The following ZNRF3 variants were observed in gnomAD, a reference collection of about 807,000 sequenced individuals.
ZNRF3 encodes the protein E3 ubiquitin-protein ligase ZNRF3.
A neutral mutation model predicts 72.5 loss-of-function variants in ZNRF3; 23 were observed. That is an observed-to-expected ratio of 0.32 (90% CI 0.23 to 0.45). The LOEUF (loss-of-function observed/expected upper bound fraction) is 0.45. Ranked by LOEUF, ZNRF3 falls within the 20% of genes least tolerant of loss-of-function variation. The pLI, the probability that ZNRF3 is intolerant of heterozygous loss-of-function variation, is 1.00. For missense variants in ZNRF3, 1,169 were observed against 1,272.1 expected, an observed-to-expected ratio of 0.92 and a Z score of 1.23; for synonymous variants, 610 against 545.3, an observed-to-expected ratio of 1.12 and a Z score of -1.65.
intron 1 of ZNRF3, among the ~76,000 whole-genome samples, chr22:28,912,743 C>T (rs1226837031): frequency 1.3e-5 from 2 of 149,128 alleles, no homozygotes; most frequent in African/African-American, 2.5e-5. Flanking sequence ...CAGCTCACTG[C>T]AACCTCCGCC....
At chr22:28,889,775 T>G (rs1327294111) in intron 1 of ZNRF3, among the ~76,000 whole-genome samples, 2 of 152,194 alleles carry the variant, frequency 1.3e-5, no homozygotes, top group African/African-American at 2.4e-5. Flanking sequence ...TGTAAGAACT[T>G]GACACTCTGA....
chr22:28,963,694 C>T (rs1481468156), intron 1 of ZNRF3, among the ~76,000 whole-genome samples: 1 of 152,120 alleles, frequency 6.6e-6, no homozygotes, highest in Admixed American at 6.5e-5. Context: ...CACTATGTAT[C>T]AGGAATTATT....
intron 1 of ZNRF3, among the ~76,000 whole-genome samples, chr22:28,913,909 G>A (rs972165106): frequency 3.9e-5 from 6 of 152,098 alleles, no homozygotes; most frequent in African/African-American, 1.2e-4. Flanking sequence ...AGATAAGATA[G>A]AGGAGTCCCC....
intron 2 of ZNRF3, among the ~76,000 whole-genome samples, chr22:29,036,350 T>C (rs2036867996): frequency 6.6e-6 from 1 of 152,196 alleles, no homozygotes; most frequent in Non-Finnish European, 1.5e-5. Context: ...ATTAGTTTTA[T>C]GGAAAAGGTT....
intron 2 of ZNRF3, among the ~76,000 whole-genome samples, chr22:29,019,952 T>C (rs2036500847): frequency 6.6e-6 from 1 of 152,064 alleles, no homozygotes; most frequent in Non-Finnish European, 1.5e-5. Flanking sequence ...TGATTATCCT[T>C]ATCTTGATGA....
chr22:28,928,490 C>CTTTTTTTTTTTTTTTTTTTTTTTTT (rs10710766), intron 1 of ZNRF3, among the ~76,000 whole-genome samples: 3 of 80,602 alleles, frequency 3.7e-5, no homozygotes, highest in Non-Finnish European at 5.1e-5. Flanking sequence ...CCAGAAATGT[C>CTTTTTTTTTTTTTTTTTTTTTTTTT]TTTTTTTTTT....
At chr22:28,920,271 T>C (rs1209565380) in intron 1 of ZNRF3, among the ~76,000 whole-genome samples, 1 of 147,772 alleles carries the variant, frequency 6.8e-6, no homozygotes, top group East Asian at 2.1e-4. Flanking sequence ...TGGCCTATTT[T>C]ATTTTATTTT....
At chr22:29,015,668 T>TA (rs56728614) in intron 2 of ZNRF3, among the ~76,000 whole-genome samples, 2,314 of 139,514 alleles carry the variant, frequency 0.017, 57 homozygotes, top group African/African-American at 0.052. Context: ...AGATTCTGTT[T>TA]AAAAAAAAAA....
In ZNRF3 at chr22:28,972,476, G is replaced by A. The variant is rs191933634; in HGVS notation, c.301-14600G>A. 1.1e-4 allele frequency among the ~76,000 whole-genome samples: 17 copies of A among 152,328 alleles called. No homozygotes were observed. In the South Asian group the frequency reaches 3.5e-3, roughly 32 times the overall value. On this transcript the variant is annotated intron_variant, in intron 1 of 8. Coordinates refer to ENST00000544604, the MANE Select transcript of ZNRF3 (RefSeq NM_001206998.2). ...TTTTGTGGCCAAATAATATTCCGTG[G>A]TGTGGGTTAACCACACTTGATGTTT...
intron 2 of ZNRF3, among the ~76,000 whole-genome samples, chr22:29,018,914 G>C (rs1333598584): frequency 6.6e-6 from 1 of 151,034 alleles, no homozygotes; most frequent in East Asian, 1.9e-4. Context: ...TGGGTTAGCT[G>C]AGCAGTTGTT....
chr22:28,975,170 G>A (rs2035646514), intron 1 of ZNRF3, among the ~76,000 whole-genome samples: 1 of 152,006 alleles, frequency 6.6e-6, no homozygotes, highest in South Asian at 2.1e-4. Flanking sequence ...TGTAATCCTA[G>A]CATTTTGGGA....
intron 2 of ZNRF3, among the ~76,000 whole-genome samples, chr22:29,009,222 C>T (rs2036308194): frequency 6.6e-6 from 1 of 152,060 alleles, no homozygotes; most frequent in Non-Finnish European, 1.5e-5. Flanking sequence ...TTAAGACTGG[C>T]TGGGTTTGGG....
chr22:28,921,130 C>T (rs889372998), intron 1 of ZNRF3, among the ~76,000 whole-genome samples: 1 of 152,160 alleles, frequency 6.6e-6, no homozygotes, highest in Non-Finnish European at 1.5e-5. Context: ...GTTTAAAAAA[C>T]CCCCACCAAA....
At position 29,049,383 on chromosome 22, in the gene ZNRF3, G is replaced by C; in HGVS notation, c.1202G>C (p.Arg401Pro). The stretch of plus-strand genomic sequence containing the variant: ...CCCGTCACCTTGCTGACCATGGACC[G>C]GCACGGGGAGCAGAGCCTCTATTCC... ...GNPVTLLTMD[R>P]HGEQSLYSPQ... The change falls in exon 8 of 9, where the codon CGG becomes CCG. Residue 401 changes from arginine to proline, a missense_variant. By Grantham distance (103) the Arg-to-Pro change is moderately radical. This residue lies in a region of ZNRF3 where 386 missense variants were observed against 540.7 expected (regional missense o/e 0.71). Coordinates refer to ENST00000544604, the MANE Select transcript of ZNRF3 (RefSeq NM_001206998.2). This position sits in a 1 kb window ranked among gnomAD's most constrained non-coding sequence, Gnocchi z 5.2. 1 of 1,612,460 alleles carries C rather than the reference G, an allele frequency of 6.2e-7. No homozygotes were observed. The highest frequency in any genetic ancestry group is 8.5e-7 in the Non-Finnish European group (1 of 1,179,906).
chr22:28,923,416 C>T (rs933208612), intron 1 of ZNRF3, among the ~76,000 whole-genome samples: 3 of 152,082 alleles, frequency 2.0e-5, no homozygotes, highest in Non-Finnish European at 2.9e-5. Flanking sequence ...GTGATCTACC[C>T]TCACACCCGC....
chr22:28,949,702 C>G (rs1262883363), intron 1 of ZNRF3, among the ~76,000 whole-genome samples: 1 of 152,148 alleles, frequency 6.6e-6, no homozygotes, highest in Non-Finnish European at 1.5e-5. Flanking sequence ...TTATCATTGG[C>G]AAAAAATATT....
At chr22:28,922,405 C>T (rs2034526387) in intron 1 of ZNRF3, among the ~76,000 whole-genome samples, 1 of 151,962 alleles carries the variant, frequency 6.6e-6, no homozygotes, top group African/African-American at 2.4e-5. Flanking sequence ...TATTTAGCAC[C>T]CTAGATGCCT....
At chr22:29,019,416 A>G (rs1415014233) in intron 2 of ZNRF3, among the ~76,000 whole-genome samples, 1 of 152,212 alleles carries the variant, frequency 6.6e-6, no homozygotes, top group African/African-American at 2.4e-5. Flanking sequence ...TGAAGATTAC[A>G]ACAGAACAAC....
At position 29,043,320 on chromosome 22, in the gene ZNRF3, C is replaced by T. The variant is rs745831302; in HGVS notation, c.523C>T (p.Pro175Ser). 5 of 1,613,984 alleles carry T rather than the reference C, an allele frequency of 3.1e-6. No individual in the cohort carries two copies. The highest frequency in any genetic ancestry group is 4.2e-6 in the Non-Finnish European group (5 of 1,179,970). ...IDQLNQGSED[P>S]LKRPVVYVKG... The stretch of plus-strand genomic sequence containing the variant: ...TTAGCTGAACCAGGGCTCTGAAGAC[C>T]CGCTCAAGAGGCCGGTGGTGTATGT... Residue 175 changes from proline to serine, a missense_variant, in exon 4 of 9, where the codon CCG (proline) becomes TCG (serine). Pro to Ser is a moderately conservative substitution (Grantham distance 74, BLOSUM62 -1). This residue lies in a region of ZNRF3 where 386 missense variants were observed against 540.7 expected (regional missense o/e 0.71). Transcript: ENST00000544604.
Sources: gnomAD v4.1 joint callset for allele counts (sites outside exome capture counted in the v4.1 genomes callset) on GRCh38, gnomAD v4.1.1 for gene constraint, gnomAD v4.1.1 regional missense constraint, Gnocchi (gnomAD v3.1) non-coding constraint, MANE v1.5 for transcripts, NCBI Gene and HGNC (gene_info 2026-07-23, HGNC 2026-07-21) for gene names.